The following ATP8B3 variants were observed in gnomAD, a reference collection of about 807,000 sequenced individuals.
ATP8B3 encodes ATPase phospholipid transporting 8B3, also known as phospholipid-transporting ATPase IK.
Under a neutral mutation model 140.9 loss-of-function variants are expected in ATP8B3, and 141 were observed. The ratio of observed to expected loss-of-function variants is 1.00; its 90% CI spans 0.87 to 1.15. ATP8B3 has a LOEUF of 1.15. Among genes scored for constraint, ATP8B3 ranks in the 50% most tolerant of loss-of-function variants. ATP8B3 has a pLI of 0.00. For missense variants in ATP8B3, 1,874 were observed against 1,740.6 expected, an observed-to-expected ratio of 1.08 and a Z score of -1.36; for synonymous variants, 765 against 714.6, an observed-to-expected ratio of 1.07 and a Z score of -1.13.
At chr19:1,795,594 C>G (rs1416551622) in intron 18 of ATP8B3, among the ~76,000 whole-genome samples, 2 of 151,812 alleles carry the variant, frequency 1.3e-5, no homozygotes, top group East Asian at 3.9e-4. Flanking sequence ...GAAAAAGACG[C>G]TCTCTCTCTG....
At position 1,796,225 on chromosome 19, in the gene ATP8B3, C is replaced by T. The variant is rs752452329; in HGVS notation, c.1794G>A (p.Ala598=). The change falls in exon 17 of 29, where the codon GCG becomes GCA. Residue 598 remains alanine (A), a synonymous_variant. Transcript: ENST00000310127. The part of the protein sequence containing the change: ...LYQAASPDEG[A]LVTAARNFGY... ...CGAAGTTCCGGGCTGCGGTGACCAG[C>T]GCCCCCTCGTCGGGGGAGGCCGCCT... is the stretch of plus-strand genomic sequence containing the variant. 7 of 1,612,516 alleles carry T rather than the reference C, an allele frequency of 4.3e-6. No homozygotes were observed. Among genetic ancestry groups the T allele is most frequent in the Admixed American group, 1.7e-5 (1 of 59,984 alleles).
Position 1,807,851 on chromosome 19 carries a change from G to A in ATP8B3, c.516+371C>T, listed in dbSNP as rs1236265638. On this transcript the variant is annotated intron_variant, in intron 5 of 28. Transcript: ENST00000310127. This position sits in a 1 kb window ranked among gnomAD's most constrained non-coding sequence, Gnocchi z 5.9. ...GTGGCTCCACAGGTCCTGAGAACAT[G>A]CTCTGGGCTCCTCCTTCCCCCTCGC... 1.3e-5 allele frequency among the ~76,000 whole-genome samples: 2 copies of A among 152,268 alleles called. No individual in the cohort carries two copies. Among genetic ancestry groups the A allele is most frequent in the Admixed American group, 6.5e-5 (1 of 15,292 alleles).
intron 10 of ATP8B3, among the ~76,000 whole-genome samples, chr19:1,804,262 G>A (rs983940166): frequency 2.6e-5 from 4 of 152,190 alleles, no homozygotes; most frequent in African/African-American, 9.7e-5. Flanking sequence ...GTGAGGCCAA[G>A]GTGGGTGGAT....
Position 1,796,248 on chromosome 19 carries a change from C to G in ATP8B3, c.1771G>C (p.Ala591Pro). The change falls in exon 17 of 29, where the codon GCG becomes CCG. Residue 591 changes from alanine to proline, a missense_variant. This residue lies in a region of ATP8B3 where 1,032 missense variants were observed against 963.6 expected (regional missense o/e 1.07). Coordinates refer to ENST00000310127, the MANE Select transcript of ATP8B3 (RefSeq NM_138813.4). The stretch of plus-strand genomic sequence containing the variant: ...AGCGCCCCCTCGTCGGGGGAGGCCG[C>G]CTGGTACAACAGCTGGTCTGGTAGG... ...RERPDQLLYQ[A>P]ASPDEGALVT... The G allele has an allele frequency of 1.2e-6, 2 of 1,611,160 alleles. No individual in the cohort carries two copies. The highest frequency in any genetic ancestry group is 1.7e-6 in the Non-Finnish European group (2 of 1,179,392).
intron 22 of ATP8B3, 37 bp downstream of exon 22, chr19:1,789,853 C>T (rs1486635433): frequency 3.1e-6 from 5 of 1,606,144 alleles, no homozygotes; most frequent in African/African-American, 1.3e-5. Flanking sequence ...CCCTCCCTGG[C>T]GCCGGGACCC....
chr19:1,799,627 G>A (rs1298655636), intron 14 of ATP8B3: 26 of 526,128 alleles, frequency 4.9e-5, no homozygotes, highest in Non-Finnish European at 8.6e-5. Flanking sequence ...AATTAGGTGT[G>A]GTGGCAGGTG....
rs375291154 is a variant in ATP8B3 at position 1,806,007 on chromosome 19, T to TG, written c.751-50dup. 1.3e-5 allele frequency: 21 copies of TG among 1,606,462 alleles called. No individual in the cohort carries two copies. Among genetic ancestry groups the TG allele is most frequent in the Non-Finnish European group, 1.8e-5 (21 of 1,177,754 alleles). ...TTGCAAGAGGGGATGCAAGACAAAT[T>TG]GGGGGTGCGGCAGCCCTCCCCACCC... On this transcript the variant is annotated intron_variant, in intron 8 of 28. Coordinates refer to ENST00000310127, the MANE Select transcript of ATP8B3 (RefSeq NM_138813.4). The surrounding 1 kb of genome is among the most constrained non-coding windows in gnomAD (Gnocchi z 5.6).
chr19:1,792,168 G>A, intron 18 of ATP8B3, 33 bp from the exon 19 acceptor site: 4 of 1,538,170 alleles, frequency 2.6e-6, no homozygotes, highest in Non-Finnish European at 3.5e-6. Flanking sequence ...CTGTCACCAT[G>A]CTGAAGCCGA....
At chr19:1,786,001 T>C (rs1055079092) in intron 25 of ATP8B3, among the ~76,000 whole-genome samples, 1 of 151,914 alleles carries the variant, frequency 6.6e-6, no homozygotes, top group African/African-American at 2.4e-5. Context: ...GGTGTGGTGG[T>C]GCGCACCTGT....
chr19:1,790,950 C>T (rs1291531729), intron 20 of ATP8B3, 118 bp from the exon 21 acceptor site: 1 of 837,836 alleles, frequency 1.2e-6, no homozygotes, highest in Admixed American at 2.3e-5. Context: ...TGCCCCACCC[C>T]CTGGCCATGG....
At chr19:1,784,412 A>G (rs10410301) in intron 28 of ATP8B3, among the ~76,000 whole-genome samples, 12,265 of 152,136 alleles carry the variant, frequency 0.081, 725 homozygotes, top group African/African-American at 0.16. Flanking sequence ...CTACTTGGAA[A>G]GCTGAGGTGG....
rs904681419 is a variant in ATP8B3 at position 1,787,045 on chromosome 19, G to C, written c.3153+58C>G. On this transcript the variant is annotated intron_variant, in intron 25 of 28. Coordinates refer to ENST00000310127, the MANE Select transcript of ATP8B3 (RefSeq NM_138813.4). ...CCTCTCCCCGCCCCAAGGAGCGGAGGAGAGGAGGAGAGGCTAAGCAGAGAC... is the reference window on the plus strand; with the variant it reads ...CCTCTCCCCGCCCCAAGGAGCGGAGCAGAGGAGGAGAGGCTAAGCAGAGAC... The C allele has an allele frequency of 8.9e-6, 13 of 1,460,750 alleles. No individual in the cohort carries two copies. The African/African-American group carries it at 1.8e-4, about 21-fold the overall frequency. 90.5% of individuals were successfully genotyped at this position (1,460,750 alleles called of 1,614,324 possible).
intron 2 of ATP8B3, 148 bp downstream of exon 2, chr19:1,811,340 AC>A: frequency 8.7e-7 from 1 of 1,150,126 alleles, no homozygotes; most frequent in Non-Finnish European, 1.2e-6. Flanking sequence ...CTAGCCCTGC[AC>A]CGGGGGCCCT....
At position 1,809,746 on chromosome 19, in the gene ATP8B3, G is replaced by A. The variant is rs1297927442; in HGVS notation, c.311-12C>T. The A allele has an allele frequency of 6.3e-7, 1 of 1,599,010 alleles. No individual in the cohort carries two copies. Among genetic ancestry groups the A allele is most frequent in the Admixed American group, 1.7e-5 (1 of 57,836 alleles). On this transcript the variant is annotated splice_polypyrimidine_tract_variant and intron_variant, in intron 3 of 28. Coordinates refer to ENST00000310127, the MANE Select transcript of ATP8B3 (RefSeq NM_138813.4). ...CTTCCAGGTGAATGCTGCAGCGAGA[G>A]AGCCGGGCGTCGCTGGAGCTCGAGG...
intron 25 of ATP8B3, among the ~76,000 whole-genome samples, chr19:1,785,911 G>A (rs141153002): frequency 0.016 from 2,454 of 151,244 alleles, 58 homozygotes; most frequent in African/African-American, 0.057. Context: ...TGGGAGGATC[G>A]CTTAAGGCCA....
rs989225838 is a variant in ATP8B3, at chr19:1,800,657, G to A, written c.1153-208C>T. 7.2e-5 allele frequency among the ~76,000 whole-genome samples: 11 copies of A among 151,846 alleles called. No individual in the cohort carries two copies. Among genetic ancestry groups the A allele is most frequent in the Admixed American group, 1.3e-4 (2 of 15,236 alleles). ...CGACAAAGTGAGACCTCATCTCGAC[G>A]AAAAACTTAAAAAATAAATTAGTCA... On this transcript the variant is annotated intron_variant, in intron 12 of 28. Coordinates refer to ENST00000310127, the MANE Select transcript of ATP8B3 (RefSeq NM_138813.4). This position sits in a 1 kb window ranked among gnomAD's most constrained non-coding sequence, Gnocchi z 4.4.
chr19:1,800,217 C>T lies in ATP8B3; in HGVS notation c.1343+42G>A, dbSNP rs751660492. The T allele has an allele frequency of 1.2e-5, 19 of 1,600,172 alleles. No individual in the cohort carries two copies. The East Asian group carries it at 2.2e-4, about 19-fold the overall frequency. On this transcript the variant is annotated intron_variant, in intron 13 of 28. Transcript: ENST00000310127. The surrounding 1 kb of genome is among the most constrained non-coding windows in gnomAD (Gnocchi z 4.4). The stretch of plus-strand genomic sequence containing the variant: ...GCTGTGTGCCATCCCCATGCCTCCC[C>T]GTTCCGCGTTTGCACCGGGGACGCA...
intron 4 of ATP8B3, 116 bp downstream of exon 4, chr19:1,809,527 G>A: frequency 1.2e-6 from 1 of 854,850 alleles, no homozygotes. Context: ...ACCAAAAAAA[G>A]AAAACTATCG....
chr19:1,796,098 G>A lies in ATP8B3; in HGVS notation c.1921C>T (p.Arg641Cys), dbSNP rs145805623. Reference protein sequence around the residue: ...VLAIMDFNSTRKRMSVLVRKP... With the variant: ...VLAIMDFNSTCKRMSVLVRKP... ...TCACCCAGCACCGACATCCGTTTGCGCGTGCTGTTGAAGTCCATTATGGCC... is the reference window on the plus strand; with the variant it reads ...TCACCCAGCACCGACATCCGTTTGCACGTGCTGTTGAAGTCCATTATGGCC... The change falls in exon 17 of 29, where the codon CGC becomes TGC. Residue 641 changes from arginine to cysteine, a missense_variant. By Grantham distance (180) the Arg-to-Cys change is radical. This residue lies in a region of ATP8B3 where 1,032 missense variants were observed against 963.6 expected (regional missense o/e 1.07). Coordinates refer to ENST00000310127, the MANE Select transcript of ATP8B3 (RefSeq NM_138813.4). The A allele has an allele frequency of 6.9e-5, 112 of 1,612,958 alleles. No individual in the cohort carries two copies. The highest frequency in any genetic ancestry group is 9.3e-5 in the African/African-American group (7 of 75,046).
Sources: gnomAD v4.1 joint callset for allele counts (sites outside exome capture counted in the v4.1 genomes callset) on GRCh38, gnomAD v4.1.1 for gene constraint, gnomAD v4.1.1 regional missense constraint, Gnocchi (gnomAD v3.1) non-coding constraint, MANE v1.5 for transcripts, NCBI Gene and HGNC (gene_info 2026-07-23, HGNC 2026-07-21) for gene names.